The following PHACTR1 variants were observed in gnomAD, a reference collection of about 807,000 sequenced individuals.
The protein encoded by PHACTR1 is phosphatase and actin regulator 1, also known as RPEL repeat containing 1.
PHACTR1 carries 16 observed loss-of-function variants against 69.2 expected under a neutral mutation model. The observed-to-expected ratio is 0.23, with a 90% CI of 0.16 to 0.35. The LOEUF (loss-of-function observed/expected upper bound fraction) is 0.35. PHACTR1 is among the 10% of genes least tolerant of loss of function. The pLI, the probability that PHACTR1 is intolerant of heterozygous loss-of-function variation, is 1.00. For missense variants in PHACTR1, 510 were observed against 734.7 expected (o/e 0.69, Z 3.54); for synonymous variants, 312 against 284.5 (o/e 1.10, Z -0.97).
intron 4 of PHACTR1, among the ~76,000 whole-genome samples, chr6:12,890,915 G>C (rs1784110940): frequency 6.6e-6 from 1 of 152,080 alleles, no homozygotes; most frequent in South Asian, 2.1e-4. Flanking sequence ...GATGAGACCA[G>C]ATACCTTTGT....
In PHACTR1 at chr6:12,857,674, A is replaced by G. The variant is rs995446420; in HGVS notation, c.250+107884A>G. The stretch of plus-strand genomic sequence containing the variant: ...TGAAGACGATCTTGCTGAATGAACT[A>G]ACAGTATGAATTTGGGTTATTTTGT... On this transcript the variant is annotated intron_variant, in intron 4 of 14. Coordinates refer to ENST00000332995, the MANE Select transcript of PHACTR1 (RefSeq NM_030948.6). Among the ~76,000 whole-genome samples the G allele has an allele frequency of 2.6e-5, 4 of 152,028 alleles. No homozygotes were observed. The South Asian group carries it at 8.3e-4, about 32-fold the overall frequency.
chr6:12,760,346 A>G (rs1767887694), intron 4 of PHACTR1, among the ~76,000 whole-genome samples: 1 of 152,202 alleles, frequency 6.6e-6, no homozygotes, highest in Admixed American at 6.5e-5. Context: ...TCACCCCCAG[A>G]CTTAGAAAGT....
intron 4 of PHACTR1, among the ~76,000 whole-genome samples, chr6:13,014,092 T>C (rs1799817693): frequency 6.6e-6 from 1 of 151,878 alleles, no homozygotes; most frequent in South Asian, 2.1e-4. Flanking sequence ...GGCAAGGAGA[T>C]CAAACACATT....
At position 13,230,111 on chromosome 6, in the gene PHACTR1, C is replaced by T. The variant is rs1239905495; in HGVS notation, c.1309C>T (p.Leu437=). ...KLSNRPSKRE[L]EEKNILPRQT... Reference sequence around the variant, plus strand: ...CAGCAACAGGCCCTCCAAGCGAGAGCTGGAAGAAAAGAACATCCTTCCCAG... The same window carrying T: ...CAGCAACAGGCCCTCCAAGCGAGAGTTGGAAGAAAAGAACATCCTTCCCAG... The change falls in exon 10 of 15, where the codon CTG becomes TTG. Residue 437 remains leucine (L), a synonymous_variant. Coordinates refer to ENST00000332995, the MANE Select transcript of PHACTR1 (RefSeq NM_030948.6). The T allele has an allele frequency of 1.2e-6, 2 of 1,611,450 alleles. No homozygotes were observed. Among genetic ancestry groups the T allele is most frequent in the South Asian group, 1.1e-5 (1 of 90,280 alleles).
At chr6:12,943,830 G>A (rs893619611) in intron 4 of PHACTR1, among the ~76,000 whole-genome samples, 1 of 152,274 alleles carries the variant, frequency 6.6e-6, no homozygotes, top group Non-Finnish European at 1.5e-5. Flanking sequence ...GCTCTGAATG[G>A]CACATGTAAA....
At chr6:13,110,614 C>T (rs568833853) in intron 5 of PHACTR1, among the ~76,000 whole-genome samples, 12 of 152,298 alleles carry the variant, frequency 7.9e-5, no homozygotes, top group African/African-American at 2.9e-4. Context: ...GAACTACAAC[C>T]TCCATCTCTT....
At chr6:12,833,992 G>T (rs1010650918) in intron 4 of PHACTR1, among the ~76,000 whole-genome samples, 17 of 152,072 alleles carry the variant, frequency 1.1e-4, no homozygotes, top group African/African-American at 4.1e-4. Context: ...GTTTGGAGCT[G>T]CCCCCCTTAG....
intron 4 of PHACTR1, among the ~76,000 whole-genome samples, chr6:12,883,997 T>G (rs139294721): frequency 2.0e-3 from 294 of 149,744 alleles, no homozygotes; most frequent in African/African-American, 6.9e-3. Context: ...TACACAAATA[T>G]ACACACATAA....
chr6:13,070,784 A>G (rs1809383407), intron 5 of PHACTR1, among the ~76,000 whole-genome samples: 1 of 151,916 alleles, frequency 6.6e-6, no homozygotes, highest in East Asian at 1.9e-4. Context: ...AAAGATACCT[A>G]TATGATGTAT....
intron 6 of PHACTR1, among the ~76,000 whole-genome samples, chr6:13,172,834 A>T (rs1314579576): frequency 6.6e-6 from 1 of 152,274 alleles, no homozygotes; most frequent in Non-Finnish European, 1.5e-5. Context: ...ACACAGAATC[A>T]ATTAAATTCT....
chr6:13,212,875 G>A (rs138714107), intron 8 of PHACTR1, among the ~76,000 whole-genome samples: 22 of 152,162 alleles, frequency 1.4e-4, no homozygotes, highest in African/African-American at 4.3e-4. Flanking sequence ...GGCCCTTCCC[G>A]TTCAATATTG....
intron 4 of PHACTR1, among the ~76,000 whole-genome samples, chr6:12,860,715 T>G (rs1474230721): frequency 6.6e-6 from 1 of 152,218 alleles, no homozygotes; most frequent in South Asian, 2.1e-4. Context: ...GGTATCTCAT[T>G]GTGGTTTTGA....
intron 5 of PHACTR1, among the ~76,000 whole-genome samples, chr6:13,090,027 C>T (rs908195779): frequency 2.6e-5 from 4 of 152,154 alleles, no homozygotes; most frequent in African/African-American, 9.7e-5. Context: ...AAGGGAACAA[C>T]AGCACTGCAT....
intron 7 of PHACTR1, among the ~76,000 whole-genome samples, chr6:13,204,880 T>C (rs1765686534): frequency 1.3e-5 from 2 of 152,240 alleles, no homozygotes; most frequent in Admixed American, 6.5e-5. Context: ...GTTGGTGGAC[T>C]TGACCCTAGG....
At chr6:12,803,041 T>C (rs1438528760) in intron 4 of PHACTR1, among the ~76,000 whole-genome samples, 1 of 152,202 alleles carries the variant, frequency 6.6e-6, no homozygotes, top group East Asian at 1.9e-4. Context: ...ACACGTGTGT[T>C]AAAATTCCAG....
intron 8 of PHACTR1, among the ~76,000 whole-genome samples, chr6:13,212,402 T>G (rs998146300): frequency 2.0e-5 from 3 of 152,168 alleles, no homozygotes; most frequent in Admixed American, 1.3e-4. Flanking sequence ...CTACTTACTC[T>G]TCAAGACATT....
chr6:12,854,871 T>G (rs1047982710), intron 4 of PHACTR1, among the ~76,000 whole-genome samples: 1 of 152,134 alleles, frequency 6.6e-6, no homozygotes, highest in Non-Finnish European at 1.5e-5. Flanking sequence ...TGGCTATTAT[T>G]AAAAAGTCAA....
chr6:13,244,647 A>G lies in PHACTR1; in HGVS notation c.1391+14454A>G, dbSNP rs181225129. Among the ~76,000 whole-genome samples the G allele has an allele frequency of 9.8e-5, 15 of 152,360 alleles. No individual in the cohort carries two copies. The East Asian group carries it at 2.5e-3, about 25-fold the overall frequency. On this transcript the variant is annotated intron_variant, in intron 10 of 14. Coordinates refer to ENST00000332995, the MANE Select transcript of PHACTR1 (RefSeq NM_030948.6). ...CCCATTTGCTTTTGAAGGAAGAGAAATATGGCTCTGTTCTGCCCGGCTCAC... is the reference window on the plus strand; with the variant it reads ...CCCATTTGCTTTTGAAGGAAGAGAAGTATGGCTCTGTTCTGCCCGGCTCAC...
chr6:13,210,579 C>T (rs544201981), intron 8 of PHACTR1, among the ~76,000 whole-genome samples: 6 of 152,266 alleles, frequency 3.9e-5, no homozygotes, highest in Admixed American at 3.3e-4. Flanking sequence ...AGACACACCA[C>T]GTATTAGCTG....
Sources: allele counts gnomAD v4.1 joint callset (sites outside exome capture counted in the v4.1 genomes callset), GRCh38; gene constraint gnomAD v4.1.1; transcripts MANE v1.5; gene names NCBI Gene and HGNC (gene_info 2026-07-23, HGNC 2026-07-21).